The following NLRP7 variants were observed in gnomAD, a reference collection of about 807,000 sequenced individuals.
NLRP7 encodes the protein NACHT, LRR and PYD domains-containing protein 7.
Under a neutral mutation model 85.5 loss-of-function variants are expected in NLRP7, and 72 were observed. The observed-to-expected ratio is 0.84, with a 90% CI of 0.70 to 1.02. The LOEUF is 1.02. Among genes scored for constraint, NLRP7 ranks in the 50% least tolerant of loss-of-function variants. NLRP7 has a pLI of 0.00. For missense variants in NLRP7, 1,243 were observed against 1,219.5 expected (o/e 1.02, Z -0.29); for synonymous variants, 550 against 505.2 (o/e 1.09, Z -1.19).
chr19:54,953,105 G>A (rs901693241), intron 1 of NLRP7: 3 of 152,156 alleles, frequency 2.0e-5, no homozygotes, highest in Non-Finnish European at 4.4e-5. Flanking sequence ...AGCATTCTAA[G>A]TCACAGGATG....
Position 54,927,876 on chromosome 19 carries a change from G to C in NLRP7, c.2810+2623C>G, listed in dbSNP as rs1362210127. On this transcript the variant is annotated intron_variant, in intron 9 of 9. Transcript: ENST00000340844. ...GGAGGCCAAGGCGGGTGGATCACTTGAGGCCAGGTGTTCGAGACCAGCCTT... is the reference window on the plus strand; with the variant it reads ...GGAGGCCAAGGCGGGTGGATCACTTCAGGCCAGGTGTTCGAGACCAGCCTT... 66 of 996,460 alleles carry C rather than the reference G, an allele frequency of 6.6e-5. No homozygotes were observed. The South Asian group carries it at 8.3e-4, about 13-fold the overall frequency. 61.7% of individuals were successfully genotyped at this position (996,460 alleles called of 1,614,324 possible).
chr19:54,926,916 T>A (rs12972890), intron 9 of NLRP7, among the ~76,000 whole-genome samples: 633 of 26,630 alleles, frequency 0.024, 97 homozygotes, highest in Middle Eastern at 0.19. Context: ...ACTCTGTCTT[T>A]AAAAAAAAAA....
intron 1 of NLRP7, among the ~76,000 whole-genome samples, chr19:54,945,050 T>A (rs2069405453): frequency 6.6e-6 from 1 of 151,390 alleles, no homozygotes; most frequent in African/African-American, 2.4e-5. Flanking sequence ...CCATCCTGGC[T>A]AACACGGTGA....
At chr19:54,939,481 A>G (rs1050940492) in exon 4 of NLRP7, 1 of 1,612,020 alleles carries the variant, frequency 6.2e-7, no homozygotes, top group African/African-American at 1.3e-5. Context: ...CCAGGAACAG[A>G]CGGAGGTCGG....
intron 8 of NLRP7, among the ~76,000 whole-genome samples, chr19:54,931,727 G>C (rs1307058150): frequency 6.6e-6 from 1 of 151,654 alleles, no homozygotes; most frequent in Non-Finnish European, 1.5e-5. Context: ...GCCCATGCCT[G>C]TAATCCTAGC....
intron 9 of NLRP7, among the ~76,000 whole-genome samples, chr19:54,924,801 T>C (rs537867934): frequency 3.9e-4 from 60 of 152,170 alleles, no homozygotes; most frequent in African/African-American, 1.4e-3. Flanking sequence ...CTGGGCATGG[T>C]GGCAGACAAC....
At chr19:54,930,469 G>A in intron 9 of NLRP7, 30 bp downstream of exon 9, 1 of 1,514,242 alleles carries the variant, frequency 6.6e-7, no homozygotes, top group Non-Finnish European at 9.2e-7. Flanking sequence ...CTCAAAAAAA[G>A]AAAGAAAGAA....
intron 9 of NLRP7, among the ~76,000 whole-genome samples, chr19:54,926,227 T>TGTGTGTGTGTGTGC (rs372128868): frequency 3.3e-4 from 50 of 150,842 alleles, no homozygotes; most frequent in Middle Eastern, 6.8e-3. Context: ...TGTGTGTGTG[T>TGTGTGTGTGTGTGC]GCTCATGCAC....
chr19:54,947,789 A>G (rs1044997562), upstream of NLRP7: 2 of 504,582 alleles, frequency 4.0e-6, no homozygotes, highest in African/African-American at 3.9e-5. Context: ...GTGATAGGCG[A>G]CAGAACAGGA....
intron 1 of NLRP7, 32 bp downstream of exon 1, chr19:54,947,437 A>G (rs1316657104): frequency 1.6e-6 from 2 of 1,285,866 alleles, no homozygotes; most frequent in East Asian, 5.5e-5. Flanking sequence ...AAACGAGAAG[A>G]CAAAGAAATC....
exon 6 of NLRP7, chr19:54,936,344 T>C: frequency 6.2e-7 from 1 of 1,614,114 alleles, no homozygotes; most frequent in Non-Finnish European, 8.5e-7. Context: ...CGATGTGCCC[T>C]GCCAGGGTCA....
At chr19:54,941,598 T>C in exon 2 of NLRP7, 1 of 1,613,896 alleles carries the variant, frequency 6.2e-7, no homozygotes, top group Non-Finnish European at 8.5e-7. Flanking sequence ...GGGTCTTCTG[T>C]AGCACGTCTT....
chr19:54,965,348 C>T (rs2070321269), intron 1 of NLRP7: 1 of 103,844 alleles, frequency 9.6e-6, no homozygotes, highest in Non-Finnish European at 2.0e-5. Flanking sequence ...GCCCTCATCT[C>T]CGCCGGCGAG....
At chr19:54,939,370 C>T in exon 4 of NLRP7, 1 of 1,614,158 alleles carries the variant, frequency 6.2e-7, no homozygotes, top group Non-Finnish European at 8.5e-7. Context: ...CCTCCTCCTT[C>T]TCCAGGGCGT....
intron 8 of NLRP7, 73 bp from the exon 9 acceptor site, chr19:54,930,739 A>G (rs749248546): frequency 3.3e-5 from 41 of 1,227,932 alleles, no homozygotes; most frequent in Non-Finnish European, 4.8e-5. Context: ...TATTTCCAAC[A>G]CTATATACCT....
At chr19:54,964,374 G>T (rs866238085) in intron 1 of NLRP7, among the ~76,000 whole-genome samples, 1 of 150,254 alleles carries the variant, frequency 6.7e-6, no homozygotes, top group Non-Finnish European at 1.5e-5. Flanking sequence ...CCGCCACCAC[G>T]CCCGGCTAAT....
chr19:54,933,419 A>G (rs2068759428), intron 8 of NLRP7, 150 bp downstream of exon 8: 1 of 944,712 alleles, frequency 1.1e-6, no homozygotes, highest in Admixed American at 2.0e-5. Context: ...TGCTGGGATT[A>G]CAGGCATGAG....
At position 54,930,413 on chromosome 19, in the gene NLRP7, A is replaced by T. The variant is rs992661027; in HGVS notation, c.2810+86T>A. ...GAAGACCGAAGCCGCAGTGAGCCGT[A>T]ATCACCCCACTGCACTCCAGGCTGG... On this transcript the variant is annotated intron_variant, in intron 9 of 9. Transcript: ENST00000340844. 2.8e-5 allele frequency: 26 copies of T among 918,346 alleles called. 2 individuals carry two copies. Among genetic ancestry groups the T allele is most frequent in the Middle Eastern group, 5.8e-4 (2 of 3,466 alleles). 56.9% of individuals were successfully genotyped at this position (918,346 alleles called of 1,614,324 possible). A position where few individuals can be genotyped will look rare whatever the true frequency, so the allele number is the denominator to read the frequency against.
chr19:54,939,528 G>A, exon 4 of NLRP7: 5 of 1,613,720 alleles, frequency 3.1e-6, no homozygotes, highest in Non-Finnish European at 3.4e-6. Context: ...TCCTCTCGGT[G>A]GAACACGGAC....
Sources: gnomAD v4.1 joint callset for allele counts (sites outside exome capture counted in the v4.1 genomes callset) on GRCh38, gnomAD v4.1.1 for gene constraint, MANE v1.5 for transcripts, NCBI Gene and HGNC (gene_info 2026-07-23, HGNC 2026-07-21) for gene names.